Variants in CHD6 observed in about 807,000 individuals in gnomAD.
CHD6 encodes the protein chromodomain helicase DNA binding protein 6.
CHD6 carries 50 observed loss-of-function variants against 276.9 expected under a neutral mutation model. The ratio of observed to expected loss-of-function variants is 0.18; its 90% CI spans 0.14 to 0.23. CHD6 has a LOEUF of 0.23. Among genes scored for constraint, CHD6 ranks in the 10% least tolerant of loss-of-function variants. The pLI, the probability that CHD6 is intolerant of heterozygous loss-of-function variation, is 1.00. For missense variants in CHD6, 2,564 were observed against 3,365.8 expected (o/e 0.76, Z 5.89); for synonymous variants, 1,173 against 1,229.3 (o/e 0.95, Z 0.96).
In CHD6 at chr20:41,497,303, ACTTG is replaced by A. The variant is rs2043711461; in HGVS notation, c.1092+77_1092+80del. The A allele has an allele frequency of 8.7e-5, 80 of 915,756 alleles. No individual in the cohort carries two copies. In the South Asian group the frequency reaches 9.4e-4, roughly 11 times the overall value. 56.7% of individuals were successfully genotyped at this position (915,756 alleles called of 1,614,324 possible). On this transcript the variant is annotated intron_variant, in intron 8 of 36. Transcript: ENST00000373233. ...AGCAACAGATCTGTATAGGAATTTA[ACTTG>A]GACTTAGAAACGTAAACACAGTATT...
At chr20:41,569,687 C>A (rs887948715) in intron 1 of CHD6, among the ~76,000 whole-genome samples, 5 of 151,462 alleles carry the variant, frequency 3.3e-5, no homozygotes, top group East Asian at 1.9e-4. Context: ...AATTAAAGAT[C>A]AAAAATATTT....
chr20:41,543,060 C>T lies in CHD6; in HGVS notation c.33+8245G>A, dbSNP rs368959732. On this transcript the variant is annotated intron_variant, in intron 2 of 36. Coordinates refer to ENST00000373233, the MANE Select transcript of CHD6 (RefSeq NM_032221.5). ...TGGAGATTGCGGTGAGCCAAGATTG[C>T]GCCACTGCACTCCAGCCTGGTGACA... is the stretch of plus-strand genomic sequence containing the variant. 4.1e-4 allele frequency among the ~76,000 whole-genome samples: 61 copies of T among 148,446 alleles called. 1 individual carries two copies. Among genetic ancestry groups the T allele is most frequent in the Admixed American group, 3.8e-3 (57 of 14,854 alleles).
chr20:41,435,832 G>A (rs1569075633), intron 27 of CHD6, among the ~76,000 whole-genome samples: 1 of 152,068 alleles, frequency 6.6e-6, no homozygotes, highest in Non-Finnish European at 1.5e-5. Flanking sequence ...AAAAGTGGGA[G>A]GTATCTATCT....
chr20:41,572,584 G>GT (rs998165944), intron 1 of CHD6, among the ~76,000 whole-genome samples: 1 of 152,182 alleles, frequency 6.6e-6, no homozygotes, highest in Admixed American at 6.5e-5. Flanking sequence ...CCAAAGCGTT[G>GT]TTTAACAGGG....
chr20:41,449,197 C>A (rs1318293883), intron 23 of CHD6, among the ~76,000 whole-genome samples: 1 of 152,204 alleles, frequency 6.6e-6, no homozygotes, highest in Admixed American at 6.5e-5. Context: ...ACCACTGCAC[C>A]CAACCTGTTT....
At position 41,558,378 on chromosome 20, in the gene CHD6, T is replaced by C. The variant is rs112402872; in HGVS notation, c.-23-7018A>G. Among the ~76,000 whole-genome samples, 1,149 of 152,332 alleles carry C rather than the reference T, an allele frequency of 7.5e-3. 17 individuals carry two copies. The highest frequency in any genetic ancestry group is 0.026 in the African/African-American group (1,087 of 41,566). ...GAGAATTAAAAGGGATGGCAATCTA[T>C]GGCGTCTGCCACATGGTGAAGACTA... On this transcript the variant is annotated intron_variant, in intron 1 of 36. Coordinates refer to ENST00000373233, the MANE Select transcript of CHD6 (RefSeq NM_032221.5).
At chr20:41,428,368 C>G (rs1426899706) in intron 27 of CHD6, among the ~76,000 whole-genome samples, 1 of 152,184 alleles carries the variant, frequency 6.6e-6, no homozygotes, top group Non-Finnish European at 1.5e-5. Context: ...CCTGAGCATG[C>G]AGAGGCCCTG....
intron 9 of CHD6, 23 bp downstream of exon 9, chr20:41,493,835 C>T (rs1028060214): frequency 3.9e-5 from 62 of 1,601,684 alleles, no homozygotes; most frequent in Non-Finnish European, 5.3e-5. Context: ...AGGGAAGATG[C>T]TTCAGGAGAG....
At chr20:41,408,027 C>T (rs376588529) in intron 36 of CHD6, among the ~76,000 whole-genome samples, 14 of 151,992 alleles carry the variant, frequency 9.2e-5, no homozygotes, top group East Asian at 3.9e-4. Flanking sequence ...ATTTTTTGAA[C>T]TCCTACACCT....
rs909438408 is a variant in CHD6 at position 41,483,193 on chromosome 20, C to T, written c.2468+116G>A. 4 of 883,998 alleles carry T rather than the reference C, an allele frequency of 4.5e-6. No homozygotes were observed. The African/African-American group carries it at 6.8e-5, about 15-fold the overall frequency. The allele number at this position is 883,998 out of a possible 1,614,324, so 54.8% of individuals were successfully genotyped here. A position where few individuals can be genotyped will look rare whatever the true frequency, so the allele number is the denominator to read the frequency against. On this transcript the variant is annotated intron_variant, in intron 16 of 36. Transcript: ENST00000373233. ...TCAGTCTATCTTTAAAAGGAGATTC[C>T]TTTCCTCCGTTTTTGAATGTTTTGT...
intron 1 of CHD6, among the ~76,000 whole-genome samples, chr20:41,592,433 G>T (rs1011347775): frequency 6.6e-6 from 1 of 152,140 alleles, no homozygotes; most frequent in African/African-American, 2.4e-5. Flanking sequence ...AGTCTTTTGA[G>T]AAAGATAGTT....
At chr20:41,527,834 G>A (rs2044581207) in intron 3 of CHD6, among the ~76,000 whole-genome samples, 1 of 152,196 alleles carries the variant, frequency 6.6e-6, no homozygotes, top group African/African-American at 2.4e-5. Context: ...GATCAGGTCA[G>A]GTGGCTCTGG....
chr20:41,449,474 C>G (rs750947037), intron 23 of CHD6, among the ~76,000 whole-genome samples: 5 of 152,120 alleles, frequency 3.3e-5, no homozygotes, highest in African/African-American at 2.4e-5. Flanking sequence ...CATGAGAGAA[C>G]AGAATTGAAA....
chr20:41,451,100 A>G lies in CHD6; in HGVS notation c.3529T>C (p.Ser1177Pro). The G allele has an allele frequency of 6.2e-7, 1 of 1,613,566 alleles. No individual in the cohort carries two copies. The highest frequency in any genetic ancestry group is 8.5e-7 in the Non-Finnish European group (1 of 1,179,666). The change falls in exon 23 of 37, where the codon TCT becomes CCT. Residue 1177 changes from serine (S) to proline (P), a missense_variant. Physicochemically the swap from Ser to Pro is moderately conservative, Grantham distance 74. Coordinates refer to ENST00000373233, the MANE Select transcript of CHD6 (RefSeq NM_032221.5). The stretch of plus-strand genomic sequence containing the variant: ...TTCCTCCCTCTGGGGACTGGGGCAG[A>G]TAAGCCTGAAACAGAAAGACAGCAT... ...AQTLQNHSGL[S>P]APVPRGRKGK...
At chr20:41,585,372 T>C (rs1458142325) in intron 1 of CHD6, among the ~76,000 whole-genome samples, 3 of 151,898 alleles carry the variant, frequency 2.0e-5, no homozygotes. Flanking sequence ...GTGGGGAGCA[T>C]TCCTGTAATC....
chr20:41,568,525 C>T (rs560299872), intron 1 of CHD6, among the ~76,000 whole-genome samples: 1 of 152,340 alleles, frequency 6.6e-6, no homozygotes, highest in South Asian at 2.1e-4. Context: ...CTACAGAAAA[C>T]AGAAGAGTTG....
At chr20:41,463,938 G>A (rs567388792) in intron 17 of CHD6, among the ~76,000 whole-genome samples, 17 of 152,278 alleles carry the variant, frequency 1.1e-4, no homozygotes, top group African/African-American at 3.6e-4. Flanking sequence ...GGGGTACAAT[G>A]CCTGCAACTT....
intron 25 of CHD6, 102 bp from the exon 26 acceptor site, chr20:41,440,231 C>A: frequency 9.6e-6 from 10 of 1,042,282 alleles, no homozygotes; most frequent in Admixed American, 6.6e-5. Context: ...AAGAACAAAA[C>A]AAACACAAAA....
intron 1 of CHD6, among the ~76,000 whole-genome samples, chr20:41,559,901 A>T (rs75192843): frequency 0.022 from 3,383 of 150,826 alleles, 44 homozygotes; most frequent in South Asian, 0.04. Context: ...ACACACACAC[A>T]CTCTCTCTAC....
Sources: allele counts gnomAD v4.1 joint callset (sites outside exome capture counted in the v4.1 genomes callset), GRCh38; gene constraint gnomAD v4.1.1; transcripts MANE v1.5; gene names NCBI Gene and HGNC (gene_info 2026-07-23, HGNC 2026-07-21).